Variants in TTC28 observed in about 807,000 individuals in gnomAD.
TTC28 encodes the protein tetratricopeptide repeat protein 28.
TTC28 carries 61 observed loss-of-function variants against 198.0 expected under a neutral mutation model. The ratio of observed to expected loss-of-function variants is 0.31; its 90% CI spans 0.25 to 0.38. TTC28 has a LOEUF of 0.38. Ranked by LOEUF, TTC28 falls within the 10% of genes least tolerant of loss-of-function variation. The pLI is 1.00. For synonymous variants in TTC28, 1,171 were observed against 1,297.8 expected, an observed-to-expected ratio of 0.90 and a Z score of 2.10; for missense variants, 2,678 against 3,164.0, an observed-to-expected ratio of 0.85 and a Z score of 3.69.
intron 2 of TTC28, among the ~76,000 whole-genome samples, chr22:28,336,468 T>A (rs923821078): frequency 1.3e-5 from 2 of 152,224 alleles, no homozygotes; most frequent in East Asian, 1.9e-4. Context: ...CATCTGGTCC[T>A]GGACTTTTTT....
chr22:28,621,736 G>T (rs1466110866), intron 2 of TTC28, among the ~76,000 whole-genome samples: 13 of 115,126 alleles, frequency 1.1e-4, no homozygotes, highest in Non-Finnish European at 1.7e-5. Context: ...GAGCAAGACT[G>T]TCTCTTAAAA....
At chr22:28,294,556 C>T (rs371937286) in intron 5 of TTC28, among the ~76,000 whole-genome samples, 3 of 151,504 alleles carry the variant, frequency 2.0e-5, no homozygotes, top group African/African-American at 7.3e-5. Context: ...ATAAATGCAG[C>T]TCTTGCCTTT....
chr22:28,165,004 C>T (rs1921743861), intron 5 of TTC28, among the ~76,000 whole-genome samples: 1 of 152,134 alleles, frequency 6.6e-6, no homozygotes, highest in African/African-American at 2.4e-5. Context: ...GAGCTGAAAA[C>T]CATGGCATGA....
At chr22:28,493,885 C>T (rs1364301212) in intron 2 of TTC28, among the ~76,000 whole-genome samples, 1 of 152,070 alleles carries the variant, frequency 6.6e-6, no homozygotes, top group Non-Finnish European at 1.5e-5. Context: ...GTCTCTTCAA[C>T]AAGTAATTTG....
intron 2 of TTC28, among the ~76,000 whole-genome samples, chr22:28,315,359 TTA>T (rs1182510298): frequency 6.6e-6 from 1 of 152,192 alleles, no homozygotes; most frequent in Non-Finnish European, 1.5e-5. Flanking sequence ...CAATTTTTCT[TTA>T]GTTTTTGATA....
At chr22:28,569,827 TGTCTAAG>T (rs903316041) in intron 2 of TTC28, among the ~76,000 whole-genome samples, 18 of 152,210 alleles carry the variant, frequency 1.2e-4, no homozygotes, top group Non-Finnish European at 1.5e-5. Context: ...AATGGCCTAA[TGTCTAAG>T]ATCTATAAGG....
intron 5 of TTC28, among the ~76,000 whole-genome samples, chr22:28,220,324 C>T (rs1439254886): frequency 2.6e-5 from 4 of 151,988 alleles, no homozygotes; most frequent in Admixed American, 2.0e-4. Context: ...AAAATAACAC[C>T]CATTTATTAT....
chr22:28,357,598 A>T (rs2046098735), intron 2 of TTC28, among the ~76,000 whole-genome samples: 1 of 152,160 alleles, frequency 6.6e-6, no homozygotes, highest in Non-Finnish European at 1.5e-5. Context: ...GGCATGAGCC[A>T]CCAAGCCCAG....
At chr22:28,376,748 G>A (rs1235730355) in intron 2 of TTC28, among the ~76,000 whole-genome samples, 1 of 152,172 alleles carries the variant, frequency 6.6e-6, no homozygotes, top group Admixed American at 6.5e-5. Context: ...AGTGCCTAGA[G>A]TTCACAAGGC....
chr22:28,121,564 T>G (rs1363849100), intron 6 of TTC28, among the ~76,000 whole-genome samples: 1 of 152,260 alleles, frequency 6.6e-6, no homozygotes, highest in African/African-American at 2.4e-5. Flanking sequence ...TTGTGCATGC[T>G]TTTGAATTAT....
At chr22:28,657,738 G>C (rs2051680837) in intron 1 of TTC28, among the ~76,000 whole-genome samples, 1 of 152,068 alleles carries the variant, frequency 6.6e-6, no homozygotes. Flanking sequence ...AATAAACTAG[G>C]TGAGATGGCG....
intron 5 of TTC28, among the ~76,000 whole-genome samples, chr22:28,262,439 A>T (rs1931388675): frequency 6.6e-6 from 1 of 152,168 alleles, no homozygotes; most frequent in African/African-American, 2.4e-5. Flanking sequence ...TTAAAGTTAC[A>T]TCTTTTAAAG....
At chr22:28,161,678 AAAAGGAAGG>A (rs1018907734) in intron 6 of TTC28, among the ~76,000 whole-genome samples, 1 of 149,872 alleles carries the variant, frequency 6.7e-6, no homozygotes, top group Non-Finnish European at 1.5e-5. Flanking sequence ...GAAAAGGAAG[AAAAGGAAGG>A]AAAGGAGAGG....
intron 5 of TTC28, 47 bp from the exon 6 acceptor site, chr22:28,163,646 G>A: frequency 6.8e-7 from 1 of 1,467,564 alleles, no homozygotes; most frequent in Non-Finnish European, 9.0e-7. Context: ...CATCAGAATG[G>A]TTTTGGTATA....
intron 13 of TTC28, among the ~76,000 whole-genome samples, chr22:28,019,867 G>A (rs149810215): frequency 2.6e-5 from 4 of 152,340 alleles, no homozygotes; most frequent in Admixed American, 6.5e-5. Flanking sequence ...AGCGTGAGCC[G>A]TGGCAGGGGC....
At chr22:28,378,026 A>C (rs953035091) in intron 2 of TTC28, among the ~76,000 whole-genome samples, 1 of 152,194 alleles carries the variant, frequency 6.6e-6, no homozygotes, top group African/African-American at 2.4e-5. Flanking sequence ...AAAGCAAAAA[A>C]AATGCAATGT....
intron 12 of TTC28, among the ~76,000 whole-genome samples, chr22:28,056,789 C>T (rs530731976): frequency 5.3e-5 from 8 of 152,298 alleles, no homozygotes; most frequent in Admixed American, 4.6e-4. Context: ...CATGATCCTT[C>T]CCAGTTAATT....
At chr22:28,139,164 T>G (rs1487846871) in intron 6 of TTC28, among the ~76,000 whole-genome samples, 1 of 152,176 alleles carries the variant, frequency 6.6e-6, no homozygotes, top group Non-Finnish European at 1.5e-5. Context: ...TGCATTGTGC[T>G]GGAGGACACA....
At chr22:28,304,363 G>C (rs559309238) in intron 3 of TTC28, among the ~76,000 whole-genome samples, 1 of 151,990 alleles carries the variant, frequency 6.6e-6, no homozygotes, top group Admixed American at 6.5e-5. Context: ...AGGTCATTAA[G>C]ATGTGGGATG....
Sources: allele counts gnomAD v4.1 joint callset (sites outside exome capture counted in the v4.1 genomes callset), GRCh38; gene constraint gnomAD v4.1.1; transcripts MANE v1.5; gene names NCBI Gene and HGNC (gene_info 2026-07-23, HGNC 2026-07-21).